USP32: variants seen among roughly 807,000 people sequenced by gnomAD.
The protein encoded by USP32 is ubiquitin carboxyl-terminal hydrolase 32.
A neutral mutation model predicts 204.8 loss-of-function variants in USP32; 59 were observed. The ratio of observed to expected loss-of-function variants is 0.29; its 90% CI spans 0.23 to 0.36. The LOEUF (loss-of-function observed/expected upper bound fraction) is 0.36, where lower values mean the gene tolerates loss of function less well. USP32 is among the 10% of genes least tolerant of loss of function. USP32 has a pLI of 1.00. For synonymous variants in USP32, 517 were observed against 678.4 expected, an observed-to-expected ratio of 0.76 and a Z score of 3.70; for missense variants, 1,160 against 1,946.4, an observed-to-expected ratio of 0.60 and a Z score of 7.60.
At chr17:60,290,922 T>G (rs1228367847) in intron 4 of USP32, among the ~76,000 whole-genome samples, 1 of 152,238 alleles carries the variant, frequency 6.6e-6, no homozygotes, top group East Asian at 1.9e-4. Context: ...TGGGATCTGA[T>G]GCTATCTCCA....
chr17:60,365,382 G>T (rs2089292318), intron 1 of USP32, among the ~76,000 whole-genome samples: 1 of 152,130 alleles, frequency 6.6e-6, no homozygotes, highest in African/African-American at 2.4e-5. Context: ...TCAGGAGGCT[G>T]AGGTAGGATA....
chr17:60,302,565 G>A (rs1253322078), intron 2 of USP32, among the ~76,000 whole-genome samples: 1 of 152,170 alleles, frequency 6.6e-6, no homozygotes, highest in East Asian at 1.9e-4. Flanking sequence ...TGTAATCCCA[G>A]GTAAGTAGAG....
rs111697501 is a variant in USP32, at chr17:60,409,286, T to G, written c.106+12960A>C. On this transcript the variant is annotated intron_variant, in intron 1 of 3. Transcript: ENST00000588898. ...TCACTTGAACCTAGGAGGCGGAGGT[T>G]GCAGTGAGCCGAAATCATGCCACAG... Among the ~76,000 whole-genome samples the G allele has an allele frequency of 9.4e-4, 143 of 152,300 alleles. 1 individual carries two copies. Among genetic ancestry groups the G allele is most frequent in the African/African-American group, 3.2e-3 (134 of 41,562 alleles).
At chr17:60,239,407 T>C (rs985598802) in intron 11 of USP32, among the ~76,000 whole-genome samples, 1 of 152,238 alleles carries the variant, frequency 6.6e-6, no homozygotes, top group Admixed American at 6.5e-5. Flanking sequence ...TTTCTTCAAA[T>C]ATTCTGCCCT....
At chr17:60,280,091 T>C (rs916819549) in intron 5 of USP32, among the ~76,000 whole-genome samples, 2 of 151,518 alleles carry the variant, frequency 1.3e-5, no homozygotes, top group African/African-American at 4.8e-5. Context: ...TTGAGTAAGT[T>C]ATTATTATTA....
Position 60,180,769 on chromosome 17 carries a change from C to G in USP32, c.4549-132G>C, listed in dbSNP as rs147778127. On this transcript the variant is annotated intron_variant, in intron 32 of 33. Coordinates refer to ENST00000300896, the MANE Select transcript of USP32 (RefSeq NM_032582.4). ...AGGTGAAAAAATATTTTAGAACCCT[C>G]TAACTTTTTCTAAAACCAAAATAAG... The G allele has an allele frequency of 3.5e-4, 322 of 908,164 alleles. 1 individual carries two copies. The African/African-American group carries it at 5.0e-3, about 14-fold the overall frequency. The allele number at this position is 908,164 out of a possible 1,614,324, so 56.3% of individuals were successfully genotyped here. A position where few individuals can be genotyped will look rare whatever the true frequency, so the allele number is the denominator to read the frequency against.
chr17:60,245,333 TGGCCAGCTG>T (rs2085989204), intron 11 of USP32: 1 of 367,796 alleles, frequency 2.7e-6, no homozygotes, highest in Non-Finnish European at 5.3e-6. Context: ...GTGACTCTGA[TGGCCAGCTG>T]GGCTGCTCTT....
intron 9 of USP32, among the ~76,000 whole-genome samples, chr17:60,261,762 C>A (rs1406915665): frequency 6.6e-6 from 1 of 152,038 alleles, no homozygotes; most frequent in Non-Finnish European, 1.5e-5. Context: ...TCTAACAGAA[C>A]AAAATATAAA....
At chr17:60,332,238 G>A (rs932794303) in intron 2 of USP32, among the ~76,000 whole-genome samples, 3 of 151,658 alleles carry the variant, frequency 2.0e-5, no homozygotes, top group Admixed American at 1.3e-4. Context: ...GGGTGACAGA[G>A]CGAGATGCTG....
intron 1 of USP32, among the ~76,000 whole-genome samples, chr17:60,352,403 A>C (rs2088970239): frequency 6.6e-6 from 1 of 152,194 alleles, no homozygotes; most frequent in Admixed American, 6.6e-5. Flanking sequence ...AAAGATTTTT[A>C]AAAGCCTAGA....
At chr17:60,308,561 A>G (rs1328878991) in intron 2 of USP32, among the ~76,000 whole-genome samples, 1 of 152,204 alleles carries the variant, frequency 6.6e-6, no homozygotes, top group African/African-American at 2.4e-5. Context: ...AAAAAGCACA[A>G]AGAAAATACA....
intron 2 of USP32, among the ~76,000 whole-genome samples, chr17:60,343,012 C>T (rs1396209925): frequency 1.3e-5 from 2 of 152,188 alleles, no homozygotes; most frequent in Non-Finnish European, 2.9e-5. Flanking sequence ...GCATCGATCA[C>T]GCTGGGAGCT....
chr17:60,411,324 A>AAAATAAATAAAT (rs112375424), intron 1 of USP32, among the ~76,000 whole-genome samples: 2,601 of 138,560 alleles, frequency 0.019, 71 homozygotes, highest in African/African-American at 0.056. Flanking sequence ...AACTGTCTCA[A>AAAATAAATAAAT]AAATAAATAA....
intron 2 of USP32, among the ~76,000 whole-genome samples, chr17:60,308,425 C>A (rs1184677542): frequency 6.6e-6 from 1 of 152,198 alleles, no homozygotes; most frequent in African/African-American, 2.4e-5. Flanking sequence ...CCCCATCACA[C>A]ACCCTGTGAG....
At chr17:60,336,311 T>C (rs1392499054) in intron 2 of USP32, among the ~76,000 whole-genome samples, 1 of 143,166 alleles carries the variant, frequency 7.0e-6, no homozygotes, top group Non-Finnish European at 1.5e-5. Context: ...ATCAAGATAA[T>C]AATGCACATA....
chr17:60,355,830 C>CAAA (rs1194639113), intron 1 of USP32, among the ~76,000 whole-genome samples: 1 of 22,652 alleles, frequency 4.4e-5, no homozygotes, highest in Admixed American at 6.3e-4. Context: ...CTCACTCTCT[C>CAAA]AAAAAAAAAA....
intron 29 of USP32, 27 bp from the exon 30 acceptor site, chr17:60,185,678 G>A (rs1440307499): frequency 1.9e-6 from 3 of 1,593,380 alleles, no homozygotes; most frequent in African/African-American, 1.3e-5. Flanking sequence ...CAGGAGGAAA[G>A]GGGTGCGTGG....
At chr17:60,231,894 A>G (rs1233349488) in intron 12 of USP32, among the ~76,000 whole-genome samples, 1 of 152,196 alleles carries the variant, frequency 6.6e-6, no homozygotes, top group Non-Finnish European at 1.5e-5. Flanking sequence ...CCATGAGCAG[A>G]GACACAATCA....
At position 60,216,539 on chromosome 17, in the gene USP32, T is replaced by C. The variant is rs1422399542; in HGVS notation, c.1868-1765A>G. Among the ~76,000 whole-genome samples, 7 of 152,382 alleles carry C rather than the reference T, an allele frequency of 4.6e-5. No homozygotes were observed. In the East Asian group the frequency reaches 5.8e-4, roughly 13 times the overall value. The stretch of plus-strand genomic sequence containing the variant: ...CCCACTAAATAAAGCTGAGAAAATA[T>C]GTGCATCATCTACTTTTTTAGAACT... On this transcript the variant is annotated intron_variant, in intron 16 of 33. Coordinates refer to ENST00000300896, the MANE Select transcript of USP32 (RefSeq NM_032582.4).
Sources: allele counts gnomAD v4.1 joint callset (sites outside exome capture counted in the v4.1 genomes callset), GRCh38; gene constraint gnomAD v4.1.1; transcripts MANE v1.5; gene names NCBI Gene and HGNC (gene_info 2026-07-23, HGNC 2026-07-21).